Variants in AGAP1 observed in about 807,000 individuals in gnomAD.
AGAP1 encodes the protein arf-GAP with GTPase, ANK repeat and PH domain-containing protein 1.
In AGAP1, 29 loss-of-function variants were observed where a neutral mutation model predicts 105.3. That is an observed-to-expected ratio of 0.28 (90% CI 0.21 to 0.38). The LOEUF (loss-of-function observed/expected upper bound fraction) is 0.38, where lower values mean the gene tolerates loss of function less well. AGAP1 is among the 10% of genes least tolerant of loss of function. The pLI, the probability that AGAP1 is intolerant of heterozygous loss-of-function variation, is 1.00. For synonymous variants in AGAP1, 509 were observed against 485.9 expected, an observed-to-expected ratio of 1.05 and a Z score of -0.63; for missense variants, 998 against 1,165.1, an observed-to-expected ratio of 0.86 and a Z score of 2.09.
Position 235,659,414 on chromosome 2 carries a change from A to AG in AGAP1, c.164-49761dup, listed in dbSNP as rs1286776776. Among the ~76,000 whole-genome samples, 2 of 152,224 alleles carry AG rather than the reference A, an allele frequency of 1.3e-5. No homozygotes were observed. Among genetic ancestry groups the AG allele is most frequent in the Non-Finnish European group, 2.9e-5 (2 of 68,046 alleles). Reference sequence around the variant, plus strand: ...AAGCATTGGCTTTGGTGCACTGGGAAGGGGCGTCAGCTGGGCAGGCTGAGC... The same window carrying AG: ...AAGCATTGGCTTTGGTGCACTGGGAAGGGGGCGTCAGCTGGGCAGGCTGAGC... On this transcript the variant is annotated intron_variant, in intron 1 of 17. Transcript: ENST00000304032. This position sits in a 1 kb window ranked among gnomAD's most constrained non-coding sequence, Gnocchi z 5.0.
intron 1 of AGAP1, among the ~76,000 whole-genome samples, chr2:235,536,865 C>T (rs1318791497): frequency 6.6e-6 from 1 of 152,158 alleles, no homozygotes; most frequent in East Asian, 1.9e-4. Flanking sequence ...TCTTAGTTTC[C>T]AGGGACTGCG....
chr2:235,829,184 C>A (rs1000151161), intron 9 of AGAP1, among the ~76,000 whole-genome samples: 1 of 152,258 alleles, frequency 6.6e-6, no homozygotes, highest in South Asian at 2.1e-4. Context: ...CTTGGACTTG[C>A]AGGCAGCCTC....
chr2:235,809,667 C>T (rs1004692516), intron 9 of AGAP1, among the ~76,000 whole-genome samples: 5 of 152,112 alleles, frequency 3.3e-5, no homozygotes, highest in African/African-American at 9.7e-5. Context: ...GGTTTGCAGA[C>T]GGTTGTATCG....
intron 13 of AGAP1, among the ~76,000 whole-genome samples, chr2:236,032,154 C>T (rs1390428690): frequency 6.6e-6 from 1 of 152,122 alleles, no homozygotes; most frequent in East Asian, 1.9e-4. Context: ...CTGCTATCCC[C>T]CAAAACTCTT....
rs1302599886 is a variant in AGAP1, at chr2:236,035,471, C to CT, written c.1646-1089dup. On this transcript the variant is annotated intron_variant, in intron 13 of 17. Coordinates refer to ENST00000304032, the MANE Select transcript of AGAP1 (RefSeq NM_001037131.3). This position sits in a 1 kb window ranked among gnomAD's most constrained non-coding sequence, Gnocchi z 4.2. ...GAGACACCATCTCTACAAAAAATGTCTAACAATTGGCCAGGTGTGATGGTA... is the reference window on the plus strand; with the variant it reads ...GAGACACCATCTCTACAAAAAATGTCTTAACAATTGGCCAGGTGTGATGGTA... Among the ~76,000 whole-genome samples the CT allele has an allele frequency of 5.3e-5, 8 of 152,190 alleles. No individual in the cohort carries two copies. In the East Asian group the frequency reaches 1.6e-3, roughly 30 times the overall value.
intron 6 of AGAP1, among the ~76,000 whole-genome samples, chr2:235,772,059 G>A (rs139700704): frequency 6.9e-6 from 1 of 145,494 alleles, no homozygotes; most frequent in Admixed American, 7.4e-5. Context: ...GCAGTGGTGC[G>A]ATCTTGGCTT....
At chr2:235,696,931 C>G (rs554829090) in intron 1 of AGAP1, among the ~76,000 whole-genome samples, 44 of 152,024 alleles carry the variant, frequency 2.9e-4, no homozygotes, top group Non-Finnish European at 4.9e-4. Flanking sequence ...TTGCAGTGAA[C>G]CAAGATGGCA....
In AGAP1 at chr2:236,123,363, A is replaced by G. The variant is rs1171139154; in HGVS notation, c.2371-556A>G. On this transcript the variant is annotated intron_variant, in intron 17 of 17. Coordinates refer to ENST00000304032, the MANE Select transcript of AGAP1 (RefSeq NM_001037131.3). The surrounding 1 kb of genome is among the most constrained non-coding windows in gnomAD (Gnocchi z 4.6). ...GTGTTGTGCTTCTGAGTAATTTTTA[A>G]TGATGTAAGAAAATGATCACAGTAT... is the stretch of plus-strand genomic sequence containing the variant. Among the ~76,000 whole-genome samples the G allele has an allele frequency of 6.6e-6, 1 of 152,224 alleles. No individual in the cohort carries two copies. The highest frequency in any genetic ancestry group is 1.5e-5 in the Non-Finnish European group (1 of 68,034).
intron 16 of AGAP1, chr2:236,072,324 C>A: frequency 6.6e-6 from 1 of 152,206 alleles, no homozygotes; most frequent in Non-Finnish European, 1.5e-5. Context: ...GCCTGTAGTC[C>A]CAGCTACTCT....
intron 1 of AGAP1, among the ~76,000 whole-genome samples, chr2:235,629,595 G>A (rs1480401261): frequency 2.0e-5 from 3 of 152,090 alleles, no homozygotes; most frequent in South Asian, 4.2e-4. Context: ...GGGGCCGGGC[G>A]CAGTGGCTCA....
chr2:235,867,536 AGTGTGTGTGTGTGTGTGT>A lies in AGAP1; in HGVS notation c.1051-15787_1051-15770del, dbSNP rs61257818. 8.1e-6 allele frequency among the ~76,000 whole-genome samples: 1 copy of A among 123,240 alleles called. No individual in the cohort carries two copies. The highest frequency in any genetic ancestry group is 2.9e-5 in the African/African-American group (1 of 35,010). 80.9% of individuals were successfully genotyped at this position (123,240 alleles called of 152,430 possible). ...ATCATACACCTTATGCTGGTGCTGC[AGTGTGTGTGTGTGTGTGT>A]GTGTGTGTGTGTGTGTGTGTGCAAG... On this transcript the variant is annotated intron_variant, in intron 9 of 17. Coordinates refer to ENST00000304032, the MANE Select transcript of AGAP1 (RefSeq NM_001037131.3). The surrounding 1 kb of genome is among the most constrained non-coding windows in gnomAD (Gnocchi z 5.4).
At position 236,038,156 on chromosome 2, in the gene AGAP1, G is replaced by A. The variant is rs2057437317; in HGVS notation, c.1800+1441G>A. Among the ~76,000 whole-genome samples, 2 of 152,118 alleles carry A rather than the reference G, an allele frequency of 1.3e-5. No individual in the cohort carries two copies. The highest frequency in any genetic ancestry group is 2.9e-5 in the Non-Finnish European group (2 of 68,028). On this transcript the variant is annotated intron_variant, in intron 14 of 17. Coordinates refer to ENST00000304032, the MANE Select transcript of AGAP1 (RefSeq NM_001037131.3). The surrounding 1 kb of genome is among the most constrained non-coding windows in gnomAD (Gnocchi z 4.5). ...CATTCCATACACCCTGGCTTTACTG[G>A]GTCACGTCCACATGCATCCATGATG...
In AGAP1 at chr2:235,967,537, C is replaced by T. The variant is rs772504400; in HGVS notation, c.1484-925C>T. On this transcript the variant is annotated intron_variant, in intron 12 of 17. Transcript: ENST00000304032. The surrounding 1 kb of genome is among the most constrained non-coding windows in gnomAD (Gnocchi z 4.7). Reference sequence around the variant, plus strand: ...ATGGCTGCCAAGCATCTTGAAAAGCCGCTGGCTCACAGTCAGTGCTCAAAA... The same window carrying T: ...ATGGCTGCCAAGCATCTTGAAAAGCTGCTGGCTCACAGTCAGTGCTCAAAA... Among the ~76,000 whole-genome samples the T allele has an allele frequency of 1.6e-4, 24 of 152,172 alleles. No homozygotes were observed. Among genetic ancestry groups the T allele is most frequent in the Admixed American group, 6.5e-4 (10 of 15,276 alleles).
chr2:235,749,631 C>T (rs1013843765), intron 5 of AGAP1, among the ~76,000 whole-genome samples: 2 of 152,056 alleles, frequency 1.3e-5, no homozygotes, highest in Non-Finnish European at 2.9e-5. Flanking sequence ...CTGCCTCAGG[C>T]GTTCTGCCCC....
intron 1 of AGAP1, among the ~76,000 whole-genome samples, chr2:235,604,572 C>CTTTTTTTT (rs1166523228): frequency 3.0e-4 from 21 of 69,680 alleles, no homozygotes; most frequent in South Asian, 6.8e-4. Context: ...TTTTTATTAT[C>CTTTTTTTT]TTTTTTTTTT....
intron 11 of AGAP1, among the ~76,000 whole-genome samples, chr2:235,910,535 G>A (rs2051553975): frequency 6.6e-6 from 1 of 152,106 alleles, no homozygotes; most frequent in African/African-American, 2.4e-5. Context: ...GAAAAGAAGG[G>A]CACAAGAAAG....
At chr2:235,932,818 T>G (rs2052786767) in intron 12 of AGAP1, among the ~76,000 whole-genome samples, 1 of 152,252 alleles carries the variant, frequency 6.6e-6, no homozygotes, top group Non-Finnish European at 1.5e-5. Context: ...AGACACTGCT[T>G]TCCAGAGCCT....
chr2:235,791,362 G>C (rs1956963886), intron 6 of AGAP1, among the ~76,000 whole-genome samples: 1 of 152,128 alleles, frequency 6.6e-6, no homozygotes, highest in Non-Finnish European at 1.5e-5. Flanking sequence ...TTATTTATGG[G>C]AGGGTCTCCA....
Position 235,930,682 on chromosome 2 carries a change from C to T in AGAP1, c.1325-83C>T. 1.4e-6 allele frequency: 2 copies of T among 1,410,590 alleles called. No homozygotes were observed. Among genetic ancestry groups the T allele is most frequent in the Non-Finnish European group, 1.9e-6 (2 of 1,036,506 alleles). The allele number at this position is 1,410,590 out of a possible 1,614,324, so 87.4% of individuals were successfully genotyped here. On this transcript the variant is annotated intron_variant, in intron 11 of 17. Coordinates refer to ENST00000304032, the MANE Select transcript of AGAP1 (RefSeq NM_001037131.3). The surrounding 1 kb of genome is among the most constrained non-coding windows in gnomAD (Gnocchi z 7.9). The stretch of plus-strand genomic sequence containing the variant: ...GGTGGTAAGGTGCACTATGTGCCAG[C>T]GTGTGGGTCCCATAGACTAACTCGC...
Sources: gnomAD v4.1 joint callset for allele counts (sites outside exome capture counted in the v4.1 genomes callset) on GRCh38, gnomAD v4.1.1 for gene constraint, Gnocchi (gnomAD v3.1) non-coding constraint, MANE v1.5 for transcripts, NCBI Gene and HGNC (gene_info 2026-07-23, HGNC 2026-07-21) for gene names.